ROR1: variants seen among roughly 807,000 people sequenced by gnomAD.
ROR1 encodes the protein inactive tyrosine-protein kinase transmembrane receptor ROR1.
In ROR1, 19 loss-of-function variants were observed where a neutral mutation model predicts 78.8. The ratio of observed to expected loss-of-function variants is 0.24; its 90% CI spans 0.17 to 0.35. ROR1 has a LOEUF of 0.35. Among genes scored for constraint, ROR1 ranks in the 10% least tolerant of loss-of-function variants. The pLI is 1.00. For missense variants in ROR1, 917 were observed against 1,177.8 expected, an observed-to-expected ratio of 0.78 and a Z score of 3.24; for synonymous variants, 386 against 433.6, an observed-to-expected ratio of 0.89 and a Z score of 1.36.
At chr1:63,955,272 A>AG (rs2100476543) in intron 1 of ROR1, among the ~76,000 whole-genome samples, 1 of 152,354 alleles carries the variant, frequency 6.6e-6, no homozygotes, top group East Asian at 1.9e-4. Context: ...CTTTAAAAAA[A>AG]TCCTCTTAAC....
intron 1 of ROR1, among the ~76,000 whole-genome samples, chr1:63,862,773 G>A (rs1342387376): frequency 2.0e-5 from 3 of 152,094 alleles, no homozygotes; most frequent in Non-Finnish European, 4.4e-5. Flanking sequence ...GGAACACTGC[G>A]CCTCAGTGTC....
At chr1:64,104,565 T>C (rs1157925379) in intron 4 of ROR1, among the ~76,000 whole-genome samples, 3 of 152,068 alleles carry the variant, frequency 2.0e-5, no homozygotes, top group African/African-American at 7.2e-5. Context: ...ACATGTGCCA[T>C]GGTGGTTTGC....
intron 1 of ROR1, among the ~76,000 whole-genome samples, chr1:63,997,564 A>C (rs1646347249): frequency 6.6e-6 from 1 of 152,168 alleles, no homozygotes; most frequent in Non-Finnish European, 1.5e-5. Flanking sequence ...AAATTACATT[A>C]AAGTTCTCAG....
chr1:64,069,250 A>G (rs1260773), intron 4 of ROR1, among the ~76,000 whole-genome samples: 79,040 of 151,968 alleles, frequency 0.52, 22,932 homozygotes, highest in East Asian at 0.75. Context: ...TATCTTTAAA[A>G]TTCTTTTTGC....
In ROR1 at chr1:64,149,138, G is replaced by A. The variant is rs147465919; in HGVS notation, c.1174+6488G>A. 2.6e-5 allele frequency among the ~76,000 whole-genome samples: 4 copies of A among 152,202 alleles called. No homozygotes were observed. The East Asian group carries it at 5.8e-4, about 22-fold the overall frequency. On this transcript the variant is annotated intron_variant, in intron 7 of 8. Coordinates refer to ENST00000371079, the MANE Select transcript of ROR1 (RefSeq NM_005012.4). ...AATACTGTGCTAAGATATCTGTGCCGGCATCTAGCCTAGGACTTAGTTGGT... is the reference window on the plus strand; with the variant it reads ...AATACTGTGCTAAGATATCTGTGCCAGCATCTAGCCTAGGACTTAGTTGGT...
rs529585006 is a variant in ROR1, at chr1:64,072,155, A to G, written c.482+21439A>G. Among the ~76,000 whole-genome samples the G allele has an allele frequency of 1.4e-4, 21 of 152,332 alleles. 1 individual carries two copies. In the South Asian group the frequency reaches 2.7e-3, roughly 20 times the overall value. ...TAACCTGTGAAGTTTTTTCTTTTAT[A>G]AAGATAGGAATAACAATAGCATCTA... On this transcript the variant is annotated intron_variant, in intron 4 of 8. Coordinates refer to ENST00000371079, the MANE Select transcript of ROR1 (RefSeq NM_005012.4).
At chr1:63,777,823 T>G (rs533471379) in intron 1 of ROR1, among the ~76,000 whole-genome samples, 2 of 152,370 alleles carry the variant, frequency 1.3e-5, no homozygotes, top group Admixed American at 6.5e-5. Flanking sequence ...TTGATGTAAA[T>G]GTATATGTAC....
intron 1 of ROR1, among the ~76,000 whole-genome samples, chr1:63,823,354 A>C (rs117999524): frequency 6.6e-6 from 1 of 151,858 alleles, no homozygotes; most frequent in Non-Finnish European, 1.5e-5. Context: ...GATTCATTCA[A>C]TGAGTATGGA....
chr1:63,938,079 A>G (rs1158664753), intron 1 of ROR1, among the ~76,000 whole-genome samples: 1 of 152,156 alleles, frequency 6.6e-6, no homozygotes, highest in African/African-American at 2.4e-5. Flanking sequence ...CAGAGAATAT[A>G]GAGTTGGCCT....
intron 4 of ROR1, among the ~76,000 whole-genome samples, chr1:64,102,096 G>C (rs2806545): frequency 6.6e-6 from 1 of 151,898 alleles, no homozygotes. Flanking sequence ...GTGCAAATAG[G>C]GCTGGGGAGA....
chr1:64,055,656 AT>A (rs1229527704), intron 4 of ROR1, among the ~76,000 whole-genome samples: 1 of 152,148 alleles, frequency 6.6e-6, no homozygotes, highest in Non-Finnish European at 1.5e-5. Flanking sequence ...TTCCCTGTGT[AT>A]TTTTTGTATG....
intron 2 of ROR1, among the ~76,000 whole-genome samples, chr1:64,040,600 A>G (rs190855794): frequency 1.3e-5 from 2 of 152,322 alleles, no homozygotes; most frequent in Admixed American, 1.3e-4. Context: ...CTGGAAGTTC[A>G]AGATCAGGAC....
intron 1 of ROR1, among the ~76,000 whole-genome samples, chr1:63,911,201 C>T (rs1159165670): frequency 2.6e-5 from 4 of 152,080 alleles, no homozygotes; most frequent in East Asian, 1.9e-4. Context: ...GTTTGAACCT[C>T]GACTATTACT....
At chr1:63,927,536 G>C (rs1237682202) in intron 1 of ROR1, among the ~76,000 whole-genome samples, 2 of 129,666 alleles carry the variant, frequency 1.5e-5, no homozygotes, top group African/African-American at 5.7e-5. Context: ...AAATGAGTTA[G>C]AGAGGATTCC....
chr1:63,940,065 G>A (rs1313022829), intron 1 of ROR1, among the ~76,000 whole-genome samples: 2 of 152,180 alleles, frequency 1.3e-5, no homozygotes, highest in East Asian at 1.9e-4. Flanking sequence ...CTTTTAGGAA[G>A]AGTTGGATGA....
At chr1:63,853,007 C>T (rs929620477) in intron 1 of ROR1, among the ~76,000 whole-genome samples, 1 of 152,178 alleles carries the variant, frequency 6.6e-6, no homozygotes, top group Non-Finnish European at 1.5e-5. Flanking sequence ...GACAGGTACA[C>T]ACTCTTTAAG....
At chr1:63,832,825 A>C (rs867572061) in intron 1 of ROR1, among the ~76,000 whole-genome samples, 1 of 152,234 alleles carries the variant, frequency 6.6e-6, no homozygotes, top group African/African-American at 2.4e-5. Context: ...CTAAAGTGAG[A>C]TGCATGGCAA....
chr1:64,070,863 T>C (rs1438836494), intron 4 of ROR1, among the ~76,000 whole-genome samples: 4 of 152,202 alleles, frequency 2.6e-5, no homozygotes, highest in African/African-American at 9.7e-5. Context: ...GAAAGTCTAA[T>C]GTGTCAGAGA....
At chr1:63,825,338 T>C (rs1490075588) in intron 1 of ROR1, among the ~76,000 whole-genome samples, 1 of 152,200 alleles carries the variant, frequency 6.6e-6, no homozygotes, top group African/African-American at 2.4e-5. Context: ...TAGAATACTA[T>C]TTAGTAATTA....
Sources: allele counts gnomAD v4.1 joint callset (sites outside exome capture counted in the v4.1 genomes callset), GRCh38; gene constraint gnomAD v4.1.1; transcripts MANE v1.5; gene names NCBI Gene and HGNC (gene_info 2026-07-23, HGNC 2026-07-21).